The following ANKRD13C variants were observed in gnomAD, a reference collection of about 807,000 sequenced individuals.
ANKRD13C encodes ankyrin repeat domain 13C, also known as ankyrin repeat domain-containing protein 13C.
A neutral mutation model predicts 65.5 loss-of-function variants in ANKRD13C; 16 were observed. That is an observed-to-expected ratio of 0.24 (90% CI 0.17 to 0.37). The LOEUF (loss-of-function observed/expected upper bound fraction) is 0.37, where lower values mean the gene tolerates loss of function less well. ANKRD13C is among the 10% of genes least tolerant of loss of function. ANKRD13C has a pLI of 1.00. For missense variants in ANKRD13C, 503 were observed against 655.9 expected (o/e 0.77, Z 2.55); for synonymous variants, 235 against 238.7 (o/e 0.98, Z 0.14).
At chr1:70,297,583 T>C (rs1680146009) in intron 7 of ANKRD13C, among the ~76,000 whole-genome samples, 1 of 145,740 alleles carries the variant, frequency 6.9e-6, no homozygotes, top group South Asian at 2.3e-4. Context: ...TGAGCCACCG[T>C]GCCCAGCCCA....
intron 12 of ANKRD13C, among the ~76,000 whole-genome samples, chr1:70,268,940 C>T (rs1301292221): frequency 2.0e-5 from 3 of 151,682 alleles, no homozygotes; most frequent in African/African-American, 7.3e-5. Flanking sequence ...GCACAATGTG[C>T]AGGTTAGTTA....
rs770146156 is a variant in ANKRD13C at position 70,354,018 on chromosome 1, G to T, written c.391C>A (p.Leu131Ile). 1.9e-6 allele frequency: 3 copies of T among 1,557,880 alleles called. No individual in the cohort carries two copies. Among genetic ancestry groups the T allele is most frequent in the Non-Finnish European group, 2.6e-6 (3 of 1,151,586 alleles). The change falls in exon 1 of 13, where the codon CTC becomes ATC. Residue 131 changes from leucine (L) to isoleucine (I), a missense_variant. Transcript: ENST00000370944. ...TGCCCGATATTGTGCGTGCGGATGA[G>T]AGAGGAGAGTCTCCTCACATCCCCC... ...FKGDVRRLSSLIRTHNIGQKD... is the reference protein window; with the variant it reads ...FKGDVRRLSSIIRTHNIGQKD...
In ANKRD13C at chr1:70,274,665, C is replaced by A. The variant is rs558073523; in HGVS notation, c.1394+55G>T. On this transcript the variant is annotated intron_variant, in intron 11 of 12. Transcript: ENST00000370944. ...CACTGGGGTGCAAATATTATTACAG[C>A]CTTTAGGGTTTAATAGTTTCTTTCA... is the stretch of plus-strand genomic sequence containing the variant. The A allele has an allele frequency of 3.8e-6, 5 of 1,318,276 alleles. No individual in the cohort carries two copies. The African/African-American group carries it at 7.3e-5, about 19-fold the overall frequency. 81.7% of individuals were successfully genotyped at this position (1,318,276 alleles called of 1,614,324 possible). A position where few individuals can be genotyped will look rare whatever the true frequency, so the allele number is the denominator to read the frequency against.
intron 12 of ANKRD13C, among the ~76,000 whole-genome samples, chr1:70,265,020 T>C (rs1678551376): frequency 6.6e-6 from 1 of 151,994 alleles, no homozygotes; most frequent in African/African-American, 2.4e-5. Context: ...AGGAGGCCAA[T>C]GTGGCTGCAG....
At chr1:70,326,952 A>T (rs756587736) in intron 2 of ANKRD13C, among the ~76,000 whole-genome samples, 40 of 151,850 alleles carry the variant, frequency 2.6e-4, no homozygotes, top group Non-Finnish European at 4.6e-4. Flanking sequence ...GAATAATGCA[A>T]TGCTACCTAA....
chr1:70,354,589 G>A lies in ANKRD13C; in HGVS notation c.-181C>T. 7.2e-7 allele frequency: 1 copy of A among 1,382,884 alleles called. No individual in the cohort carries two copies. Among genetic ancestry groups the A allele is most frequent in the African/African-American group, 1.5e-5 (1 of 68,638 alleles). The allele number at this position is 1,382,884 out of a possible 1,614,324, so 85.7% of individuals were successfully genotyped here. ...CGGGGAAGAGCCGGCTCTCGCCTAG[G>A]CACGAAGGGACGCGCGCTCGCTGGG... On this transcript the variant is annotated 5_prime_UTR_variant, in exon 1 of 13. Coordinates refer to ENST00000370944, the MANE Select transcript of ANKRD13C (RefSeq NM_030816.5).
At chr1:70,291,189 C>T (rs1389034495) in intron 9 of ANKRD13C, among the ~76,000 whole-genome samples, 1 of 151,972 alleles carries the variant, frequency 6.6e-6, no homozygotes, top group African/African-American at 2.4e-5. Flanking sequence ...TGTCACCATG[C>T]CCAGCTAATT....
intron 9 of ANKRD13C, among the ~76,000 whole-genome samples, chr1:70,278,783 C>T (rs182565207): frequency 1.9e-4 from 29 of 152,238 alleles, no homozygotes; most frequent in African/African-American, 6.7e-4. Context: ...ATCCCAGCTC[C>T]AATACCTGGT....
intron 10 of ANKRD13C, among the ~76,000 whole-genome samples, chr1:70,276,251 T>TG (rs1329016912): frequency 6.6e-6 from 1 of 152,164 alleles, no homozygotes; most frequent in African/African-American, 2.4e-5. Context: ...GGCACTCTAC[T>TG]GTTAGTAATA....
intron 5 of ANKRD13C, among the ~76,000 whole-genome samples, chr1:70,312,179 T>A (rs1456057365): frequency 6.6e-6 from 1 of 152,220 alleles, no homozygotes; most frequent in Non-Finnish European, 1.5e-5. Flanking sequence ...GGCATTTTAC[T>A]GCTATATGGT....
chr1:70,300,631 G>A, intron 7 of ANKRD13C, 133 bp downstream of exon 7: 1 of 773,560 alleles, frequency 1.3e-6, no homozygotes, highest in South Asian at 3.5e-5. Flanking sequence ...TAGTGGTCAG[G>A]AAACTATAGC....
chr1:70,283,382 A>G (rs1028268226), intron 9 of ANKRD13C, among the ~76,000 whole-genome samples: 2 of 152,190 alleles, frequency 1.3e-5, no homozygotes, highest in African/African-American at 4.8e-5. Flanking sequence ...ACTTCTGATG[A>G]CTATTTTCCT....
chr1:70,289,512 T>C (rs1028049898), intron 9 of ANKRD13C, among the ~76,000 whole-genome samples: 2 of 152,074 alleles, frequency 1.3e-5, no homozygotes, highest in Non-Finnish European at 2.9e-5. Context: ...TCACCCAGGC[T>C]GGAGTGCAGT....
intron 1 of ANKRD13C, among the ~76,000 whole-genome samples, chr1:70,342,722 AAACACACACACACAAT>A (rs1279621091): frequency 2.5e-4 from 35 of 139,574 alleles, no homozygotes; most frequent in South Asian, 1.2e-3. Flanking sequence ...GTAAAGAAAG[AAACACACACACACAAT>A]AACACACACA....
intron 6 of ANKRD13C, 22 bp from the exon 7 acceptor site, chr1:70,300,930 T>TA (rs753125770): frequency 6.5e-5 from 104 of 1,594,202 alleles, no homozygotes; most frequent in Non-Finnish European, 8.4e-5. Flanking sequence ...GGGTAGATGA[T>TA]AAACTCTGAC....
At chr1:70,306,192 C>A in intron 6 of ANKRD13C, 32 bp downstream of exon 6, 1 of 1,471,784 alleles carries the variant, frequency 6.8e-7, no homozygotes, top group Non-Finnish European at 9.2e-7. Context: ...TCTCAACTTT[C>A]TTTTACTGAG....
intron 8 of ANKRD13C, among the ~76,000 whole-genome samples, chr1:70,294,359 T>G (rs1392113370): frequency 6.6e-6 from 1 of 152,108 alleles, no homozygotes; most frequent in South Asian, 2.1e-4. Context: ...AAATGATAAT[T>G]TTATGTGTCA....
At chr1:70,281,429 G>T (rs1292829038) in intron 9 of ANKRD13C, among the ~76,000 whole-genome samples, 1 of 138,206 alleles carries the variant, frequency 7.2e-6, no homozygotes, top group Admixed American at 7.6e-5. Flanking sequence ...TTGAGACAGG[G>T]TCTTGCTCTG....
intron 12 of ANKRD13C, among the ~76,000 whole-genome samples, chr1:70,266,321 A>T (rs1018817937): frequency 2.0e-5 from 3 of 152,228 alleles, no homozygotes; most frequent in Non-Finnish European, 4.4e-5. Flanking sequence ...TTAGCAGTTC[A>T]ATCTTTTTAT....
Sources: gnomAD v4.1 joint callset for allele counts (sites outside exome capture counted in the v4.1 genomes callset) on GRCh38, gnomAD v4.1.1 for gene constraint, MANE v1.5 for transcripts, NCBI Gene and HGNC (gene_info 2026-07-23, HGNC 2026-07-21) for gene names.